The following RBFOX3 variants were observed in gnomAD, a reference collection of about 807,000 sequenced individuals.
RBFOX3 encodes the protein RNA binding fox-1 homolog 3, also known as RNA binding protein fox-1 homolog 3.
Under a neutral mutation model 48.7 loss-of-function variants are expected in RBFOX3, and 17 were observed. That is an observed-to-expected ratio of 0.35 (90% CI 0.24 to 0.52). RBFOX3 has a LOEUF of 0.52. Ranked by LOEUF, RBFOX3 falls within the 20% of genes least tolerant of loss-of-function variation. The pLI is 0.94. For synonymous variants in RBFOX3, 212 were observed against 209.5 expected (o/e 1.01, Z -0.10); for missense variants, 382 against 497.5 (o/e 0.77, Z 2.21).
At chr17:79,657,164 G>A in the RBFOX3 span, among the ~76,000 whole-genome samples, 1 of 152,180 alleles carries the variant, frequency 6.6e-6, no homozygotes, top group African/African-American at 2.4e-5. Flanking sequence ...AGGGGAGGAA[G>A]GAGAGAAGGG....
intron 3 of RBFOX3, among the ~76,000 whole-genome samples, chr17:79,262,735 A>G (rs1271023626): frequency 6.6e-6 from 1 of 152,094 alleles, no homozygotes; most frequent in Non-Finnish European, 1.5e-5. Context: ...GTCCATCCTT[A>G]CTTGGGGCAT....
intron 2 of RBFOX3, among the ~76,000 whole-genome samples, chr17:79,464,301 T>C (rs2076027151): frequency 6.6e-6 from 1 of 152,132 alleles, no homozygotes; most frequent in African/African-American, 2.4e-5. Flanking sequence ...AGAAAGACGT[T>C]GGGGGAAATG....
At chr17:79,570,702 G>T (rs2144535171) in intron 1 of RBFOX3, among the ~76,000 whole-genome samples, 1 of 152,216 alleles carries the variant, frequency 6.6e-6, no homozygotes, top group Non-Finnish European at 1.5e-5. Context: ...CCCCACCCCT[G>T]GGGACCCTGA....
chr17:79,104,656 A>T (rs1186796492), intron 6 of RBFOX3, among the ~76,000 whole-genome samples: 1 of 152,222 alleles, frequency 6.6e-6, no homozygotes, highest in East Asian at 1.9e-4. Flanking sequence ...AGGGAGACAG[A>T]GGGACATGAG....
At chr17:79,122,083 T>TG (rs139801088) in intron 4 of RBFOX3, among the ~76,000 whole-genome samples, 5,628 of 152,180 alleles carry the variant, frequency 0.037, 137 homozygotes, top group African/African-American at 0.082. Flanking sequence ...AGTCCTAATC[T>TG]GGGGGTCACC....
chr17:79,129,525 G>A (rs1376921818), intron 4 of RBFOX3, among the ~76,000 whole-genome samples: 1 of 152,168 alleles, frequency 6.6e-6, no homozygotes, highest in Non-Finnish European at 1.5e-5. Flanking sequence ...CAGGCTTCCT[G>A]AGTTCATTCT....
chr17:79,614,171 A>C (rs2145595426), upstream of RBFOX3, among the ~76,000 whole-genome samples: 1 of 152,330 alleles, frequency 6.6e-6, no homozygotes, highest in Non-Finnish European at 1.5e-5. Context: ...CGTGGGGCCC[A>C]AGACCCGGGG....
the RBFOX3 span, among the ~76,000 whole-genome samples, chr17:79,657,687 A>C: frequency 2.0e-5 from 3 of 152,196 alleles, no homozygotes; most frequent in Non-Finnish European, 2.9e-5. Flanking sequence ...TCAAAAATGA[A>C]GAACAGAGCT....
At chr17:79,524,838 A>G (rs2086594235) in intron 1 of RBFOX3, among the ~76,000 whole-genome samples, 2 of 151,824 alleles carry the variant, frequency 1.3e-5, no homozygotes, top group African/African-American at 4.8e-5. Flanking sequence ...TCCGCCCCAC[A>G]GCAGGTGTAA....
chr17:79,399,463 T>C (rs927578978), intron 2 of RBFOX3, among the ~76,000 whole-genome samples: 11 of 151,880 alleles, frequency 7.2e-5, no homozygotes, highest in Non-Finnish European at 1.5e-4. Flanking sequence ...GCAGGTTCCA[T>C]GTGGAGGGCA....
intron 3 of RBFOX3, among the ~76,000 whole-genome samples, chr17:79,269,136 C>T (rs1160722403): frequency 6.6e-6 from 1 of 152,230 alleles, no homozygotes; most frequent in East Asian, 1.9e-4. Flanking sequence ...GACGTGCAGG[C>T]ACACGCCAGG....
intron 2 of RBFOX3, among the ~76,000 whole-genome samples, chr17:79,354,122 A>G (rs1191753016): frequency 6.6e-6 from 1 of 152,088 alleles, no homozygotes; most frequent in African/African-American, 2.4e-5. Context: ...AACCGCCTCC[A>G]GAGGGTCCAT....
chr17:79,416,666 C>G (rs925494442), intron 2 of RBFOX3, among the ~76,000 whole-genome samples: 1 of 152,210 alleles, frequency 6.6e-6, no homozygotes, highest in African/African-American at 2.4e-5. Flanking sequence ...GGCCCTCCCC[C>G]GCACCCACCC....
rs1555781952 is a variant in RBFOX3 at position 79,512,933 on chromosome 17, TACC to T, written c.-319-30338_-319-30336del. On this transcript the variant is annotated intron_variant, in intron 1 of 14. Coordinates refer to ENST00000693108, the MANE Select transcript of RBFOX3 (RefSeq NM_001350451.2). ...AGGGGACGCACATGCAGATACATGT[TACC>T]ATCGGGTACAGCCCCATGGCCAGGG... 6.3e-3 allele frequency among the ~76,000 whole-genome samples: 933 copies of T among 147,550 alleles called. 8 individuals are homozygous for T. Among genetic ancestry groups the T allele is most frequent in the African/African-American group, 0.022 (862 of 39,692 alleles).
intron 5 of RBFOX3, among the ~76,000 whole-genome samples, chr17:79,107,421 G>GTC (rs1185418424): frequency 6.6e-6 from 1 of 152,244 alleles, no homozygotes; most frequent in East Asian, 1.9e-4. Flanking sequence ...CTGGTGGGCA[G>GTC]ATGGGCTCCC....
chr17:79,623,178 G>C, the RBFOX3 span, among the ~76,000 whole-genome samples: 1 of 152,168 alleles, frequency 6.6e-6, no homozygotes, highest in African/African-American at 2.4e-5. Flanking sequence ...CCCATCTACA[G>C]ATGAAGAAAC....
At chr17:79,441,812 G>A (rs894692144) in intron 2 of RBFOX3, among the ~76,000 whole-genome samples, 6 of 152,160 alleles carry the variant, frequency 3.9e-5, no homozygotes, top group African/African-American at 1.2e-4. Flanking sequence ...CACAGGCCTC[G>A]GCCAGCCAGG....
chr17:79,109,297 G>A (rs1387264188), intron 5 of RBFOX3, among the ~76,000 whole-genome samples: 3 of 152,210 alleles, frequency 2.0e-5, no homozygotes, highest in African/African-American at 7.2e-5. Flanking sequence ...ATCTGTGGTG[G>A]GCACAGCTGG....
intron 1 of RBFOX3, among the ~76,000 whole-genome samples, chr17:79,585,056 C>A (rs1488509351): frequency 6.6e-6 from 1 of 151,792 alleles, no homozygotes; most frequent in Admixed American, 6.6e-5. Flanking sequence ...TGAGCCACGG[C>A]GCCCAGCCGA....
Sources: gnomAD v4.1 joint callset for allele counts (sites outside exome capture counted in the v4.1 genomes callset) on GRCh38, gnomAD v4.1.1 for gene constraint, MANE v1.5 for transcripts, NCBI Gene and HGNC (gene_info 2026-07-23, HGNC 2026-07-21) for gene names.